CPEB3: variants seen among roughly 807,000 people sequenced by gnomAD.
CPEB3 encodes the protein cytoplasmic polyadenylation element binding protein 3.
CPEB3 carries 20 observed loss-of-function variants against 67.2 expected under a neutral mutation model. That is an observed-to-expected ratio of 0.30 (90% confidence interval 0.21 to 0.43). The LOEUF is 0.43. Ranked by LOEUF, CPEB3 falls within the 20% of genes least tolerant of loss-of-function variation. The pLI is 1.00. For missense variants in CPEB3, 746 were observed against 968.6 expected (o/e 0.77, Z 3.05); for synonymous variants, 376 against 393.1 (o/e 0.96, Z 0.51).
At chr10:92,216,879 C>T (rs1262486380) in intron 2 of CPEB3, 10 of 1,215,496 alleles carry the variant, frequency 8.2e-6, no homozygotes, top group Admixed American at 1.9e-5. Context: ...CCCACCCACA[C>T]TGACGGCATC....
Position 92,240,807 on chromosome 10 carries a change from A to G in CPEB3, c.-11-446T>C, listed in dbSNP as rs141903009. 2.6e-5 allele frequency among the ~76,000 whole-genome samples: 4 copies of G among 152,338 alleles called. No individual in the cohort carries two copies. The East Asian group carries it at 7.7e-4, about 29-fold the overall frequency. Reference sequence around the variant, plus strand: ...GCTGCGTCCTTCAGCAAGGTTAAAAAGACACCGCACACACGACCCTTTCTT... The same window carrying G: ...GCTGCGTCCTTCAGCAAGGTTAAAAGGACACCGCACACACGACCCTTTCTT... On this transcript the variant is annotated intron_variant, in intron 1 of 9. Transcript: ENST00000265997.
At chr10:92,199,068 T>G (rs1408997555) in intron 2 of CPEB3, among the ~76,000 whole-genome samples, 1 of 152,188 alleles carries the variant, frequency 6.6e-6, no homozygotes, top group Non-Finnish European at 1.5e-5. Context: ...GGATAAAACA[T>G]TCCGAAGTTA....
At chr10:92,267,763 A>G (rs1415160065) in intron 1 of CPEB3, among the ~76,000 whole-genome samples, 2 of 152,242 alleles carry the variant, frequency 1.3e-5, no homozygotes, top group Non-Finnish European at 1.5e-5. Flanking sequence ...TAACAAAATC[A>G]TGGAAGGATT....
chr10:92,133,967 GC>G (rs1489419773), intron 6 of CPEB3, among the ~76,000 whole-genome samples: 3 of 152,084 alleles, frequency 2.0e-5, no homozygotes, highest in East Asian at 1.9e-4. Flanking sequence ...AAATTCAGCA[GC>G]CCTTCATGCT....
chr10:92,063,565 C>A (rs1842437879), intron 9 of CPEB3, among the ~76,000 whole-genome samples: 2 of 152,076 alleles, frequency 1.3e-5, no homozygotes, highest in Non-Finnish European at 2.9e-5. Context: ...GAGATTGAGA[C>A]CATCCTGGCC....
intron 1 of CPEB3, among the ~76,000 whole-genome samples, chr10:92,275,849 T>C (rs926892591): frequency 1.4e-5 from 2 of 145,992 alleles, no homozygotes; most frequent in African/African-American, 5.1e-5. Context: ...TCTTTTCTTT[T>C]TTTTTTTTTT....
At chr10:92,185,154 T>C (rs1213455975) in intron 3 of CPEB3, among the ~76,000 whole-genome samples, 4 of 152,256 alleles carry the variant, frequency 2.6e-5, no homozygotes, top group Non-Finnish European at 5.9e-5. Flanking sequence ...TTGTATAATG[T>C]AGTCTGGTGT....
chr10:92,063,030 G>A (rs1842414541), intron 9 of CPEB3, among the ~76,000 whole-genome samples: 1 of 152,222 alleles, frequency 6.6e-6, no homozygotes. Flanking sequence ...AACCACTAAG[G>A]ATAAGATGGA....
At chr10:92,158,968 A>G (rs187429200) in intron 4 of CPEB3, among the ~76,000 whole-genome samples, 72 of 152,360 alleles carry the variant, frequency 4.7e-4, no homozygotes, top group Middle Eastern at 3.4e-3. Context: ...TCCATTTCTT[A>G]AAAGTGTAAC....
chr10:92,188,306 T>A (rs1848789849), intron 3 of CPEB3, among the ~76,000 whole-genome samples: 1 of 50,514 alleles, frequency 2.0e-5, no homozygotes, highest in Non-Finnish European at 3.9e-5. Flanking sequence ...AAGAAAAGTA[T>A]ATGTAAGACA....
chr10:92,222,869 C>T (rs1590433917), intron 2 of CPEB3, among the ~76,000 whole-genome samples: 3 of 152,226 alleles, frequency 2.0e-5, no homozygotes, highest in Admixed American at 2.0e-4. Context: ...AAAACTATGC[C>T]TTGTATTAGA....
In CPEB3 at chr10:92,252,150, A is replaced by G. The variant is rs190490946; in HGVS notation, c.-11-11789T>C. Reference sequence around the variant, plus strand: ...CAAGAATAGGCAAAAGATTTCACCGAAAGATATTCAAATGACCAAAAAGCA... The same window carrying G: ...CAAGAATAGGCAAAAGATTTCACCGGAAGATATTCAAATGACCAAAAAGCA... On this transcript the variant is annotated intron_variant, in intron 1 of 9. Coordinates refer to ENST00000265997, the MANE Select transcript of CPEB3 (RefSeq NM_014912.5). Among the ~76,000 whole-genome samples the G allele has an allele frequency of 4.6e-5, 7 of 152,220 alleles. No individual in the cohort carries two copies. In the East Asian group the frequency reaches 1.4e-3, roughly 29 times the overall value.
At chr10:92,238,169 T>C (rs1851631859) in intron 2 of CPEB3, among the ~76,000 whole-genome samples, 1 of 152,330 alleles carries the variant, frequency 6.6e-6, no homozygotes, top group East Asian at 1.9e-4. Context: ...GTTGGAGGCC[T>C]TCCCCTCTCC....
At position 92,172,830 on chromosome 10, in the gene CPEB3, G is replaced by T. The variant is rs550653201; in HGVS notation, c.1222+8133C>A. On this transcript the variant is annotated intron_variant, in intron 4 of 9. Transcript: ENST00000265997. ...TTTTCCATGTTCTGGAAAAACCATA[G>T]TAAGCATTACAAAAGCACAGAGGTC... is the stretch of plus-strand genomic sequence containing the variant. 2.6e-5 allele frequency among the ~76,000 whole-genome samples: 4 copies of T among 152,290 alleles called. No individual in the cohort carries two copies. In the South Asian group the frequency reaches 8.3e-4, roughly 32 times the overall value.
chr10:92,240,079 G>GGCGGCT lies in CPEB3; in HGVS notation c.266_271dup (p.Gln89_Pro90dup). ...CGGTGCCGCGGGCTCCTGAGGCGGCGGCGGCTGCTGAGGAGGCTGATGGAA... is the reference window on the plus strand; with the variant it reads ...CGGTGCCGCGGGCTCCTGAGGCGGCGGCGGCTGCGGCTGCTGAGGAGGCTGATGGAA... On this transcript the variant is annotated inframe_insertion, in exon 2 of 10. Coordinates refer to ENST00000265997, the MANE Select transcript of CPEB3 (RefSeq NM_014912.5). The GGCGGCT allele has an allele frequency of 6.3e-7, 1 of 1,587,092 alleles. No homozygotes were observed. Among genetic ancestry groups the GGCGGCT allele is most frequent in the South Asian group, 1.1e-5 (1 of 88,036 alleles).
intron 3 of CPEB3, among the ~76,000 whole-genome samples, chr10:92,185,710 TTAGTGCCACG>T (rs1848656841): frequency 6.6e-6 from 1 of 152,190 alleles, no homozygotes; most frequent in South Asian, 2.1e-4. Context: ...TAACAGAATG[TTAGTGCCACG>T]TTTCAGAAAG....
intron 4 of CPEB3, among the ~76,000 whole-genome samples, chr10:92,168,604 C>T (rs931480958): frequency 6.6e-6 from 1 of 151,920 alleles, no homozygotes; most frequent in South Asian, 2.1e-4. Context: ...CTGCTGTTCT[C>T]GTGATAGTGA....
chr10:92,270,975 G>C (rs889419173), intron 1 of CPEB3, among the ~76,000 whole-genome samples: 14 of 152,168 alleles, frequency 9.2e-5, no homozygotes, highest in African/African-American at 3.1e-4. Flanking sequence ...TCAGGAGTTT[G>C]AGACCAGCCT....
intron 2 of CPEB3, among the ~76,000 whole-genome samples, chr10:92,236,684 G>C (rs1851550422): frequency 6.6e-6 from 1 of 152,122 alleles, no homozygotes; most frequent in Non-Finnish European, 1.5e-5. Context: ...GGGAGGCAGA[G>C]GTTGCAGTGA....
Sources: allele counts gnomAD v4.1 joint callset (sites outside exome capture counted in the v4.1 genomes callset), GRCh38; gene constraint gnomAD v4.1.1; transcripts MANE v1.5; gene names NCBI Gene and HGNC (gene_info 2026-07-23, HGNC 2026-07-21).